The following CTNNA3 variants were observed in gnomAD, a reference collection of about 807,000 sequenced individuals.
CTNNA3 encodes catenin alpha-3.
In CTNNA3, 76 loss-of-function variants were observed where a neutral mutation model predicts 95.7. The ratio of observed to expected loss-of-function variants is 0.79; its 90% confidence interval spans 0.66 to 0.96. CTNNA3 has a LOEUF of 0.96. CTNNA3 is among the 40% of genes least tolerant of loss of function. The probability of loss-of-function intolerance (pLI) is 0.00; values close to 1 mark genes in which losing one functional copy is unlikely to be tolerated. For missense variants in CTNNA3, 1,191 were observed against 1,089.8 expected (o/e 1.09, Z -1.31); for synonymous variants, 431 against 374.4 (o/e 1.15, Z -1.74).
chr10:66,632,444 A>C (rs1377230687), intron 9 of CTNNA3, among the ~76,000 whole-genome samples: 1 of 151,582 alleles, frequency 6.6e-6, no homozygotes, highest in Non-Finnish European at 1.5e-5. Context: ...AATCCCAGCT[A>C]CTTGGGAGGC....
chr10:66,767,288 A>C (rs1839904306), intron 8 of CTNNA3, among the ~76,000 whole-genome samples: 1 of 152,060 alleles, frequency 6.6e-6, no homozygotes. Flanking sequence ...TCTACTAAAA[A>C]TAAAAAAATT....
At chr10:66,937,120 A>T (rs900351880) in intron 7 of CTNNA3, among the ~76,000 whole-genome samples, 1 of 152,156 alleles carries the variant, frequency 6.6e-6, no homozygotes, top group African/African-American at 2.4e-5. Flanking sequence ...CATTATACAA[A>T]GTCTTTCTCC....
At chr10:67,690,010 G>A (rs888999038) in intron 1 of CTNNA3, among the ~76,000 whole-genome samples, 23 of 152,258 alleles carry the variant, frequency 1.5e-4, no homozygotes, top group African/African-American at 4.8e-4. Context: ...TCTTGGTCTC[G>A]CTGACTTCAA....
At chr10:67,724,855 A>T (rs1278981785) in intron 1 of CTNNA3, among the ~76,000 whole-genome samples, 2 of 152,158 alleles carry the variant, frequency 1.3e-5, no homozygotes, top group African/African-American at 4.8e-5. Flanking sequence ...CCTATTTGTA[A>T]TAATTAGAGG....
chr10:66,334,249 T>C lies in CTNNA3; in HGVS notation c.1732+44903A>G, dbSNP rs536484160. Among the ~76,000 whole-genome samples, 634 of 152,140 alleles carry C rather than the reference T, an allele frequency of 4.2e-3. 5 individuals are homozygous for C. The highest frequency in any genetic ancestry group is 0.015 in the African/African-American group (610 of 41,528). The stretch of plus-strand genomic sequence containing the variant: ...TACATTTAAGGTTAAAATTGTTATG[T>C]GTGAATTTGATCCTGTCATTGTGAT... On this transcript the variant is annotated intron_variant, in intron 12 of 17. Transcript: ENST00000433211.
At chr10:66,643,483 GACTACTTAAGGGC>G (rs1479330901) in intron 9 of CTNNA3, among the ~76,000 whole-genome samples, 4 of 152,128 alleles carry the variant, frequency 2.6e-5, no homozygotes, top group Non-Finnish European at 5.9e-5. Flanking sequence ...CTAAATGGAA[GACTACTTAAGGGC>G]ATCTTCTTAT....
At chr10:66,611,584 C>A (rs1421626585) in intron 10 of CTNNA3, among the ~76,000 whole-genome samples, 1 of 152,084 alleles carries the variant, frequency 6.6e-6, no homozygotes, top group East Asian at 1.9e-4. Flanking sequence ...TAGCTTCTGG[C>A]CCCTGCCCTC....
chr10:67,137,309 A>AT (rs1002227224), intron 7 of CTNNA3, among the ~76,000 whole-genome samples: 1 of 99,180 alleles, frequency 1.0e-5, no homozygotes, highest in Non-Finnish European at 1.9e-5. Flanking sequence ...CATTTTCTGT[A>AT]TTAAAAAAAT....
chr10:66,775,358 C>G (rs1478495204), intron 8 of CTNNA3, 86 bp downstream of exon 8: 14 of 906,444 alleles, frequency 1.5e-5, no homozygotes, highest in Admixed American at 2.5e-5. Flanking sequence ...TTGAAAGGAA[C>G]AAAACAAGAA....
At chr10:66,711,363 A>T (rs2132606702) in intron 9 of CTNNA3, among the ~76,000 whole-genome samples, 1 of 152,138 alleles carries the variant, frequency 6.6e-6, no homozygotes, top group Non-Finnish European at 1.5e-5. Flanking sequence ...AAACATTAAA[A>T]AACAGCTATA....
chr10:66,547,269 A>G (rs774134788), intron 10 of CTNNA3, among the ~76,000 whole-genome samples: 6 of 151,704 alleles, frequency 4.0e-5, no homozygotes, highest in Non-Finnish European at 7.4e-5. Context: ...AAAATATTGG[A>G]TAGACAGCAC....
intron 13 of CTNNA3, among the ~76,000 whole-genome samples, chr10:66,107,575 C>A (rs1370714062): frequency 1.1e-4 from 17 of 152,064 alleles, no homozygotes; most frequent in Non-Finnish European, 1.5e-5. Context: ...GCCAGGACAG[C>A]AATGACATAG....
At position 67,479,416 on chromosome 10, in the gene CTNNA3, T is replaced by C. The variant is rs373763121; in HGVS notation, c.579+42426A>G. ...TACCAACCATACTCTCAGGGCACAG[T>C]GGAATAAAAATAGAAATTAATACCA... On this transcript the variant is annotated intron_variant, in intron 5 of 17. Transcript: ENST00000433211. Among the ~76,000 whole-genome samples, 122 of 152,134 alleles carry C rather than the reference T, an allele frequency of 8.0e-4. 1 individual carries two copies. Among genetic ancestry groups the C allele is most frequent in the Middle Eastern group, 6.8e-3 (2 of 294 alleles).
intron 3 of CTNNA3, among the ~76,000 whole-genome samples, chr10:67,547,885 C>T (rs1350933122): frequency 6.6e-6 from 1 of 152,084 alleles, no homozygotes; most frequent in Admixed American, 6.6e-5. Flanking sequence ...TTAAAGAAGA[C>T]CTAAATAAAT....
At chr10:66,822,260 G>A (rs771330145) in intron 7 of CTNNA3, among the ~76,000 whole-genome samples, 12 of 151,844 alleles carry the variant, frequency 7.9e-5, no homozygotes, top group Non-Finnish European at 1.8e-4. Flanking sequence ...TAATATATAA[G>A]ATGTCATTTC....
chr10:67,307,344 G>A (rs2132515354), intron 5 of CTNNA3, among the ~76,000 whole-genome samples: 1 of 152,250 alleles, frequency 6.6e-6, no homozygotes, highest in African/African-American at 2.4e-5. Context: ...AATTATACGG[G>A]CAGTAATGCT....
At chr10:67,250,482 T>A (rs1011014092) in intron 5 of CTNNA3, among the ~76,000 whole-genome samples, 1 of 151,820 alleles carries the variant, frequency 6.6e-6, no homozygotes, top group African/African-American at 2.4e-5. Flanking sequence ...CCCAAAGTGC[T>A]GGGATTACAG....
chr10:67,528,825 T>C (rs1187326633), intron 4 of CTNNA3, among the ~76,000 whole-genome samples: 1 of 152,070 alleles, frequency 6.6e-6, no homozygotes, highest in Non-Finnish European at 1.5e-5. Flanking sequence ...ATTAATCAAA[T>C]CAGAGATAAC....
intron 7 of CTNNA3, among the ~76,000 whole-genome samples, chr10:67,021,208 C>A (rs1852988478): frequency 6.6e-6 from 1 of 151,978 alleles, no homozygotes; most frequent in South Asian, 2.1e-4. Flanking sequence ...TTATCCAACA[C>A]AATACTGGGA....
Sources: allele counts gnomAD v4.1 joint callset (sites outside exome capture counted in the v4.1 genomes callset), GRCh38; gene constraint gnomAD v4.1.1; transcripts MANE v1.5; gene names NCBI Gene and HGNC (gene_info 2026-07-23, HGNC 2026-07-21).